The following WDR64 variants were observed in gnomAD, a reference collection of about 807,000 sequenced individuals.
WDR64 encodes the protein WD repeat domain 64, also known as WD repeat-containing protein 64.
In WDR64, 112 loss-of-function variants were observed where a neutral mutation model predicts 139.3. The ratio of observed to expected loss-of-function variants is 0.80; its 90% CI spans 0.69 to 0.94. The LOEUF is 0.94. WDR64 is among the 40% of genes least tolerant of loss of function. The pLI is 0.00. For missense variants in WDR64, 1,206 were observed against 1,293.1 expected (o/e 0.93, Z 1.03); for synonymous variants, 444 against 437.7 (o/e 1.01, Z -0.18).
At chr1:241,745,538 C>A (rs1309610739) in intron 13 of WDR64, among the ~76,000 whole-genome samples, 2 of 149,452 alleles carry the variant, frequency 1.3e-5, no homozygotes, top group Non-Finnish European at 2.9e-5. Flanking sequence ...CCATATTTTA[C>A]ATTGTTAGTT....
chr1:241,675,731 T>TCTGTA (rs1440713503), intron 4 of WDR64, among the ~76,000 whole-genome samples: 1 of 152,230 alleles, frequency 6.6e-6, no homozygotes. Context: ...TTTTTTTACA[T>TCTGTA]CTGTAGAATG....
intron 10 of WDR64, among the ~76,000 whole-genome samples, chr1:241,730,810 C>T (rs1669047862): frequency 6.6e-6 from 1 of 152,180 alleles, no homozygotes; most frequent in African/African-American, 2.4e-5. Context: ...GTAAATAAAG[C>T]ATAGCTGCCC....
At chr1:241,765,087 C>T (rs1452310494) in intron 15 of WDR64, among the ~76,000 whole-genome samples, 2 of 150,606 alleles carry the variant, frequency 1.3e-5, no homozygotes, top group East Asian at 2.0e-4. Context: ...CTCCAGAGCC[C>T]AAGGTGGGAG....
chr1:241,730,816 T>G (rs999329973), intron 10 of WDR64, among the ~76,000 whole-genome samples: 1 of 152,186 alleles, frequency 6.6e-6, no homozygotes, highest in African/African-American at 2.4e-5. Flanking sequence ...AAAGCATAGC[T>G]GCCCCAAATC....
intron 25 of WDR64, 66 bp downstream of exon 25, chr1:241,790,762 G>A: frequency 8.4e-7 from 1 of 1,194,668 alleles, no homozygotes; most frequent in Admixed American, 2.3e-5. Context: ...TTGTTTTTCT[G>A]AATTCAAATA....
rs1002335984 is a variant in WDR64 at position 241,787,905 on chromosome 1, T to C, written c.2762T>C (p.Phe921Ser). The change falls in exon 24 of 28, where the codon TTT becomes TCT. Residue 921 changes from phenylalanine (F) to serine (S), a missense_variant. Phe to Ser is a radical substitution (Grantham distance 155). Transcript: ENST00000437684. ...YCGYFGQRRL[F>S]ELSQTRDFIL... ...GGATATTTTGGACAGCGAAGGCTCT[T>C]TGAATTATCACAGACAAGAGATTTC... is the stretch of plus-strand genomic sequence containing the variant. The C allele has an allele frequency of 1.9e-6, 3 of 1,612,428 alleles. No individual in the cohort carries two copies. The highest frequency in any genetic ancestry group is 2.5e-6 in the Non-Finnish European group (3 of 1,179,468).
At chr1:241,766,011 A>C (rs1240932166) in intron 15 of WDR64, among the ~76,000 whole-genome samples, 1 of 152,196 alleles carries the variant, frequency 6.6e-6, no homozygotes, top group South Asian at 2.1e-4. Context: ...GGAAGAGTAT[A>C]TATTTGTTGA....
chr1:241,706,013 C>A (rs200115647), intron 8 of WDR64, among the ~76,000 whole-genome samples: 2 of 125,828 alleles, frequency 1.6e-5, no homozygotes, highest in Admixed American at 7.5e-5. Flanking sequence ...TTTTCATATA[C>A]TTTTATGTCT....
chr1:241,666,367 T>A (rs985879231), intron 2 of WDR64, among the ~76,000 whole-genome samples: 3 of 152,220 alleles, frequency 2.0e-5, no homozygotes, highest in Admixed American at 2.0e-4. Flanking sequence ...AAGGAGTTTA[T>A]CTGGTATAAT....
intron 3 of WDR64, among the ~76,000 whole-genome samples, chr1:241,671,500 G>C (rs1036313831): frequency 6.6e-6 from 1 of 152,136 alleles, no homozygotes; most frequent in Non-Finnish European, 1.5e-5. Flanking sequence ...AGTAAAAGAA[G>C]TCATGTTTCT....
intron 2 of WDR64, among the ~76,000 whole-genome samples, chr1:241,667,142 T>A (rs115028420): frequency 1.1e-3 from 160 of 152,354 alleles, no homozygotes; most frequent in African/African-American, 3.8e-3. Context: ...GATGATAGCA[T>A]GTATGGTGTG....
rs140541409 is a variant in WDR64 at position 241,687,929 on chromosome 1, G to T, written c.974+334G>T. ...ATTTTAAAATCATTCTTACAGGTCA[G>T]TTGGCTAACCAAGAGCTTGTGAGTA... On this transcript the variant is annotated intron_variant, in intron 8 of 27. Coordinates refer to ENST00000437684, the MANE Select transcript of WDR64 (RefSeq NM_001367482.1). Among the ~76,000 whole-genome samples the T allele has an allele frequency of 5.1e-3, 781 of 152,276 alleles. 6 individuals carry two copies. Among genetic ancestry groups the T allele is most frequent in the African/African-American group, 0.017 (724 of 41,550 alleles).
At chr1:241,720,223 T>C (rs1180263226) in intron 9 of WDR64, among the ~76,000 whole-genome samples, 3 of 152,226 alleles carry the variant, frequency 2.0e-5, no homozygotes, top group African/African-American at 7.2e-5. Flanking sequence ...TTTGGGTTGA[T>C]TCCATGTCTT....
Position 241,668,051 on chromosome 1 carries a change from C to CA in WDR64, c.277-3019dup, listed in dbSNP as rs137909007. Among the ~76,000 whole-genome samples, 169 of 152,196 alleles carry CA rather than the reference C, an allele frequency of 1.1e-3. 1 individual carries two copies. The East Asian group carries it at 0.031, about 28-fold the overall frequency. ...ACTTGGAGAAGGAAGCTAGAGAAGA[C>CA]AAAAGCAAAAATAGGACGCAGGTTT... On this transcript the variant is annotated intron_variant, in intron 2 of 27. Transcript: ENST00000437684.
intron 1 of WDR64, among the ~76,000 whole-genome samples, 170 bp from the exon 2 acceptor site, chr1:241,660,360 G>A (rs1665775981): frequency 6.6e-6 from 1 of 152,154 alleles, no homozygotes; most frequent in African/African-American, 2.4e-5. Flanking sequence ...CTCCAGCTTT[G>A]TTCTTTTTGC....
intron 10 of WDR64, among the ~76,000 whole-genome samples, chr1:241,727,943 C>T (rs1020113956): frequency 4.6e-5 from 7 of 151,954 alleles, no homozygotes; most frequent in Non-Finnish European, 8.8e-5. Context: ...TGAATCTCAC[C>T]TCTGAGGAGG....
chr1:241,656,951 A>T lies in WDR64; in HGVS notation c.146-3579A>T, dbSNP rs928093164. ...AGGTGAGGTGCAAAATCTCCCCTGC[A>T]TAAGAACCACTGCTCTAGATTCCTG... is the stretch of plus-strand genomic sequence containing the variant. On this transcript the variant is annotated intron_variant, in intron 1 of 27. Coordinates refer to ENST00000437684, the MANE Select transcript of WDR64 (RefSeq NM_001367482.1). The surrounding 1 kb of genome is among the most constrained non-coding windows in gnomAD (Gnocchi z 4.3). 6.6e-6 allele frequency among the ~76,000 whole-genome samples: 1 copy of T among 151,068 alleles called. No individual in the cohort carries two copies. The highest frequency in any genetic ancestry group is 2.1e-4 in the South Asian group (1 of 4,770).
At chr1:241,736,885 C>T (rs1183769963) in intron 10 of WDR64, among the ~76,000 whole-genome samples, 1 of 152,180 alleles carries the variant, frequency 6.6e-6, no homozygotes, top group Non-Finnish European at 1.5e-5. Context: ...AAACCCTAAT[C>T]CTCCTTTGCC....
At chr1:241,793,296 A>C (rs532268856) in intron 25 of WDR64, among the ~76,000 whole-genome samples, 201 of 152,318 alleles carry the variant, frequency 1.3e-3, no homozygotes, top group Admixed American at 2.8e-3. Context: ...GATGAGCAGG[A>C]GTGAGGTGAG....
Sources: gnomAD v4.1 joint callset for allele counts (sites outside exome capture counted in the v4.1 genomes callset) on GRCh38, gnomAD v4.1.1 for gene constraint, Gnocchi (gnomAD v3.1) non-coding constraint, MANE v1.5 for transcripts, NCBI Gene and HGNC (gene_info 2026-07-23, HGNC 2026-07-21) for gene names.